Variants in ANKRD44 observed in about 807,000 individuals in gnomAD.
ANKRD44 encodes ankyrin repeat domain 44.
In ANKRD44, 35 loss-of-function variants were observed where a neutral mutation model predicts 116.0. The observed-to-expected ratio is 0.30, with a 90% confidence interval of 0.23 to 0.40. The LOEUF (loss-of-function observed/expected upper bound fraction) is 0.40. ANKRD44 is among the 10% of genes least tolerant of loss of function. The pLI is 1.00. For missense variants in ANKRD44, 1,014 were observed against 1,242.6 expected (o/e 0.82, Z 2.77); for synonymous variants, 435 against 461.8 (o/e 0.94, Z 0.74).
chr2:197,053,924 T>C (rs1337789868), intron 16 of ANKRD44, among the ~76,000 whole-genome samples: 1 of 152,236 alleles, frequency 6.6e-6, no homozygotes, highest in Non-Finnish European at 1.5e-5. Flanking sequence ...ATGGGTAACA[T>C]GTTAACCTTT....
intron 1 of ANKRD44, among the ~76,000 whole-genome samples, chr2:197,269,464 G>A (rs4850779): frequency 0.33 from 50,049 of 152,118 alleles, 10,190 homozygotes; most frequent in East Asian, 0.63. Flanking sequence ...AACCGCAGAT[G>A]ACTGTAACTA....
chr2:197,136,410 C>T, intron 4 of ANKRD44, 182 bp downstream of exon 4: 1 of 623,486 alleles, frequency 1.6e-6, no homozygotes, highest in South Asian at 1.9e-5. Flanking sequence ...TACTCCCCAG[C>T]CCCACTCAGC....
chr2:197,186,386 A>G (rs112067720), intron 2 of ANKRD44, among the ~76,000 whole-genome samples: 4 of 152,292 alleles, frequency 2.6e-5, no homozygotes, highest in African/African-American at 7.2e-5. Context: ...GTTGTTGCAC[A>G]CAACTCAAAA....
intron 4 of ANKRD44, among the ~76,000 whole-genome samples, chr2:197,128,640 A>C (rs1177132828): frequency 6.6e-6 from 1 of 152,162 alleles, no homozygotes; most frequent in Admixed American, 6.5e-5. Flanking sequence ...TCTTTAGTTT[A>C]ATTAGATCTC....
chr2:197,117,787 T>C (rs1322693713), intron 8 of ANKRD44, among the ~76,000 whole-genome samples: 1 of 152,216 alleles, frequency 6.6e-6, no homozygotes, highest in Non-Finnish European at 1.5e-5. Flanking sequence ...CCTGTTCTCT[T>C]ATTACCTCTT....
At chr2:197,306,182 T>C (rs1455140593) in intron 1 of ANKRD44, among the ~76,000 whole-genome samples, 2 of 151,946 alleles carry the variant, frequency 1.3e-5, no homozygotes, top group African/African-American at 2.4e-5. Context: ...GGCTTCTCTG[T>C]AAACAAGATC....
chr2:197,223,634 CAA>C (rs2125737393), intron 1 of ANKRD44, among the ~76,000 whole-genome samples: 1 of 152,236 alleles, frequency 6.6e-6, no homozygotes, highest in South Asian at 2.1e-4. Context: ...TACACAGATG[CAA>C]AGTTTTTCCC....
intron 10 of ANKRD44, among the ~76,000 whole-genome samples, chr2:197,092,329 T>C (rs1434169230): frequency 6.6e-6 from 1 of 152,246 alleles, no homozygotes; most frequent in Non-Finnish European, 1.5e-5. Context: ...TCAGACTCCA[T>C]GCTTCATAAA....
chr2:197,067,085 G>T (rs2077450280), intron 16 of ANKRD44, among the ~76,000 whole-genome samples: 2 of 152,114 alleles, frequency 1.3e-5, no homozygotes, highest in Non-Finnish European at 2.9e-5. Flanking sequence ...CCAAAACAGA[G>T]ATACAGACCA....
At chr2:197,022,395 A>G (rs1252837389) in intron 17 of ANKRD44, among the ~76,000 whole-genome samples, 2 of 152,122 alleles carry the variant, frequency 1.3e-5, no homozygotes, top group Non-Finnish European at 2.9e-5. Context: ...TTTTAAAACA[A>G]AAGTCACATC....
intron 16 of ANKRD44, among the ~76,000 whole-genome samples, chr2:197,041,896 T>C (rs1326183159): frequency 1.3e-5 from 2 of 152,204 alleles, no homozygotes; most frequent in African/African-American, 2.4e-5. Context: ...AAGCTAAACA[T>C]GATAATTCAA....
chr2:197,235,853 T>G (rs1015224607), intron 1 of ANKRD44, among the ~76,000 whole-genome samples: 1 of 152,170 alleles, frequency 6.6e-6, no homozygotes. Context: ...GAATTCTCAG[T>G]AGCAGTAAAT....
At position 197,087,935 on chromosome 2, in the gene ANKRD44, A is replaced by G. The variant is rs1039915587; in HGVS notation, c.1247+776T>C. On this transcript the variant is annotated intron_variant, in intron 12 of 27. Transcript: ENST00000282272. Reference sequence around the variant, plus strand: ...GGGACTCATGTAAATAAGGAGCCCTAAAGTGTCACCATTTATCCACCTCTG... The same window carrying G: ...GGGACTCATGTAAATAAGGAGCCCTGAAGTGTCACCATTTATCCACCTCTG... Among the ~76,000 whole-genome samples the G allele has an allele frequency of 2.0e-5, 3 of 152,214 alleles. No homozygotes were observed. In the South Asian group the frequency reaches 6.2e-4, roughly 31 times the overall value.
chr2:197,139,537 T>C (rs967400174), intron 3 of ANKRD44, among the ~76,000 whole-genome samples: 2 of 152,038 alleles, frequency 1.3e-5, no homozygotes, highest in African/African-American at 4.8e-5. Flanking sequence ...AGTGACTGCG[T>C]CTAGGGAAAG....
intron 21 of ANKRD44, among the ~76,000 whole-genome samples, chr2:196,974,310 T>C (rs2075741444): frequency 6.6e-6 from 1 of 152,084 alleles, no homozygotes; most frequent in Non-Finnish European, 1.5e-5. Flanking sequence ...CTTGAACTCC[T>C]GAGCTCAAGT....
At chr2:197,051,031 T>C (rs1211736136) in intron 16 of ANKRD44, among the ~76,000 whole-genome samples, 1 of 151,082 alleles carries the variant, frequency 6.6e-6, no homozygotes, top group East Asian at 2.0e-4. Context: ...GGCACAATTA[T>C]GGCTCATTTC....
At chr2:197,040,488 T>C (rs1249738210) in intron 16 of ANKRD44, among the ~76,000 whole-genome samples, 2 of 139,572 alleles carry the variant, frequency 1.4e-5, no homozygotes, top group South Asian at 2.3e-4. Flanking sequence ...GTGATTATCC[T>C]GCCTCAGCCT....
chr2:197,063,664 T>A (rs1456743500), intron 16 of ANKRD44, among the ~76,000 whole-genome samples: 1 of 152,196 alleles, frequency 6.6e-6, no homozygotes, highest in African/African-American at 2.4e-5. Flanking sequence ...ATGCACAAGC[T>A]TCAGTAGCCG....
chr2:197,043,465 C>T (rs2076947939), intron 16 of ANKRD44, among the ~76,000 whole-genome samples: 1 of 152,098 alleles, frequency 6.6e-6, no homozygotes, highest in Non-Finnish European at 1.5e-5. Flanking sequence ...ACCTCAGCCT[C>T]CCAAAGCACT....
Sources: gnomAD v4.1 joint callset for allele counts (sites outside exome capture counted in the v4.1 genomes callset) on GRCh38, gnomAD v4.1.1 for gene constraint, MANE v1.5 for transcripts, NCBI Gene and HGNC (gene_info 2026-07-23, HGNC 2026-07-21) for gene names.